The following EPHA6 variants were observed in gnomAD, a reference collection of about 807,000 sequenced individuals.
EPHA6 encodes EPH receptor A6.
A neutral mutation model predicts 112.0 loss-of-function variants in EPHA6; 50 were observed. The observed-to-expected ratio is 0.45, with a 90% CI of 0.36 to 0.56. The LOEUF (loss-of-function observed/expected upper bound fraction) is 0.56. EPHA6 is among the 20% of genes least tolerant of loss of function. The pLI is 0.00. For synonymous variants in EPHA6, 529 were observed against 490.7 expected, an observed-to-expected ratio of 1.08 and a Z score of -1.03; for missense variants, 1,280 against 1,417.4, an observed-to-expected ratio of 0.90 and a Z score of 1.56.
intron 3 of EPHA6, among the ~76,000 whole-genome samples, chr3:97,115,343 G>A (rs2047853251): frequency 6.6e-6 from 1 of 151,546 alleles, no homozygotes; most frequent in Admixed American, 6.6e-5. Flanking sequence ...GGAAAACTAT[G>A]AGATATAATT....
intron 17 of EPHA6, among the ~76,000 whole-genome samples, chr3:97,748,347 G>C (rs1483859176): frequency 6.6e-6 from 1 of 151,984 alleles, no homozygotes; most frequent in Non-Finnish European, 1.5e-5. Context: ...TATGTATTCT[G>C]TGGATCCAGA....
rs932621505 is a variant in EPHA6, at chr3:97,014,619, A to G, written c.1114+26626A>G. 4.6e-5 allele frequency among the ~76,000 whole-genome samples: 7 copies of G among 152,214 alleles called. No homozygotes were observed. The East Asian group carries it at 7.7e-4, about 17-fold the overall frequency. On this transcript the variant is annotated intron_variant, in intron 3 of 17. Coordinates refer to ENST00000389672, the MANE Select transcript of EPHA6 (RefSeq NM_001080448.3). ...TGCGATGTTGAAACATAAATTAGCA[A>G]TGCTTGCAGAATTTAATGATCTGCC...
At chr3:97,546,081 T>C (rs2092943014) in intron 11 of EPHA6, among the ~76,000 whole-genome samples, 2 of 152,330 alleles carry the variant, frequency 1.3e-5, no homozygotes, top group South Asian at 2.1e-4. Context: ...GTTAATATTG[T>C]TATGTGTGAA....
chr3:97,477,992 T>C (rs182204022), intron 8 of EPHA6, among the ~76,000 whole-genome samples: 11 of 152,164 alleles, frequency 7.2e-5, no homozygotes, highest in African/African-American at 9.6e-5. Flanking sequence ...AAGGAGGGAG[T>C]AATCTCCTTT....
intron 13 of EPHA6, among the ~76,000 whole-genome samples, chr3:97,613,014 G>A (rs1028808212): frequency 6.6e-6 from 1 of 151,802 alleles, no homozygotes; most frequent in Non-Finnish European, 1.5e-5. Context: ...TCTCCTCATG[G>A]TGTGTGTCCC....
At chr3:97,502,760 C>T (rs1332592159) in intron 10 of EPHA6, among the ~76,000 whole-genome samples, 2 of 127,434 alleles carry the variant, frequency 1.6e-5, no homozygotes, top group African/African-American at 3.0e-5. Flanking sequence ...CTTGAACCAG[C>T]GAGGTGGAGG....
At chr3:96,874,651 T>G (rs1027827633) in intron 2 of EPHA6, among the ~76,000 whole-genome samples, 2 of 152,094 alleles carry the variant, frequency 1.3e-5, no homozygotes, top group Admixed American at 1.3e-4. Context: ...CATATGTTAT[T>G]GAGACAAAGA....
chr3:97,397,388 A>G (rs1184011628), intron 5 of EPHA6, among the ~76,000 whole-genome samples: 2 of 151,694 alleles, frequency 1.3e-5, no homozygotes, highest in African/African-American at 4.8e-5. Context: ...CAAATGTCAT[A>G]TAATCCTGGA....
intron 3 of EPHA6, among the ~76,000 whole-genome samples, chr3:97,140,275 A>T (rs1331641188): frequency 6.6e-6 from 1 of 152,174 alleles, no homozygotes; most frequent in South Asian, 2.1e-4. Flanking sequence ...TTGAGGGAAA[A>T]TTCAGGATAA....
chr3:96,930,110 G>C (rs951168867), intron 2 of EPHA6, among the ~76,000 whole-genome samples: 3 of 152,168 alleles, frequency 2.0e-5, no homozygotes, highest in Non-Finnish European at 2.9e-5. Flanking sequence ...TTGGTTGTCA[G>C]CTCCTGTATT....
intron 3 of EPHA6, among the ~76,000 whole-genome samples, chr3:97,175,932 G>A (rs1181384623): frequency 1.3e-5 from 2 of 151,712 alleles, no homozygotes; most frequent in Non-Finnish European, 2.9e-5. Context: ...AGGCCTTCCA[G>A]TACTATGCTG....
chr3:97,569,619 G>A (rs889851760), intron 11 of EPHA6, among the ~76,000 whole-genome samples: 1 of 152,138 alleles, frequency 6.6e-6, no homozygotes, highest in Admixed American at 6.6e-5. Context: ...ATTGTGAAGA[G>A]TAAATGAGAA....
At chr3:97,618,047 CA>C (rs1354452937) in intron 13 of EPHA6, among the ~76,000 whole-genome samples, 2 of 152,176 alleles carry the variant, frequency 1.3e-5, no homozygotes, top group Non-Finnish European at 1.5e-5. Context: ...CACTCCTCAG[CA>C]AATGTGAAAG....
At chr3:96,837,722 AT>A (rs1195747580) in intron 1 of EPHA6, among the ~76,000 whole-genome samples, 1 of 152,084 alleles carries the variant, frequency 6.6e-6, no homozygotes, top group African/African-American at 2.4e-5. Flanking sequence ...AGACATTTTG[AT>A]TATATTATTA....
At chr3:97,068,828 G>T (rs2046263680) in intron 3 of EPHA6, among the ~76,000 whole-genome samples, 2 of 152,210 alleles carry the variant, frequency 1.3e-5, no homozygotes, top group East Asian at 1.9e-4. Flanking sequence ...CATAAGGAGA[G>T]ATCTCCAGTC....
chr3:97,122,124 G>T (rs896778473), intron 3 of EPHA6, among the ~76,000 whole-genome samples: 1 of 152,010 alleles, frequency 6.6e-6, no homozygotes, highest in Non-Finnish European at 1.5e-5. Context: ...GATAATATTA[G>T]ATTTTGTTTA....
chr3:97,501,670 G>A (rs1005413088), intron 10 of EPHA6, among the ~76,000 whole-genome samples: 1 of 151,512 alleles, frequency 6.6e-6, no homozygotes, highest in African/African-American at 2.4e-5. Context: ...AAACTTACAG[G>A]GCACAACTAA....
In EPHA6 at chr3:97,688,847, T is replaced by C. The variant is rs186300445; in HGVS notation, c.2785-31414T>C. 1.1e-4 allele frequency among the ~76,000 whole-genome samples: 17 copies of C among 152,252 alleles called. No individual in the cohort carries two copies. In the East Asian group the frequency reaches 3.1e-3, roughly 28 times the overall value. On this transcript the variant is annotated intron_variant, in intron 14 of 17. Transcript: ENST00000389672. ...CTTCCAAATATAGGAAAGAAATAAT[T>C]ATTTCATTAAAAAAGTAAAGCCCCT...
rs960995812 is a variant in EPHA6 at position 97,760,105 on chromosome 3, CT to C, written c.*11410del. 1.1e-5 allele frequency: 2 copies of C among 181,578 alleles called. No individual in the cohort carries two copies. The highest frequency in any genetic ancestry group is 2.4e-5 in the African/African-American group (1 of 42,368). 11.2% of individuals were successfully genotyped at this position (181,578 alleles called of 1,614,324 possible). On this transcript the variant is annotated 3_prime_UTR_variant, in exon 18 of 18. Transcript: ENST00000389672. ...TGTATATTGCATAATCAACCTGTCA[CT>C]TTTTTCAAACACGATTTGGGAGGGT... is the stretch of plus-strand genomic sequence containing the variant.
Sources: gnomAD v4.1 joint callset for allele counts (sites outside exome capture counted in the v4.1 genomes callset) on GRCh38, gnomAD v4.1.1 for gene constraint, MANE v1.5 for transcripts, NCBI Gene and HGNC (gene_info 2026-07-23, HGNC 2026-07-21) for gene names.